Variants in AUTS2 observed in about 807,000 individuals in gnomAD.
The protein encoded by AUTS2 is activator of transcription and developmental regulator AUTS2.
Under a neutral mutation model 112.4 loss-of-function variants are expected in AUTS2, and 17 were observed. The observed-to-expected ratio is 0.15, with a 90% CI of 0.10 to 0.23. The LOEUF is 0.23. Among genes scored for constraint, AUTS2 ranks in the 10% least tolerant of loss-of-function variants. The pLI is 1.00. For synonymous variants in AUTS2, 751 were observed against 702.7 expected (o/e 1.07, Z -1.09); for missense variants, 1,510 against 1,701.6 (o/e 0.89, Z 1.98).
chr7:69,796,144 TCGCATC>T (rs1482564827), intron 1 of AUTS2, among the ~76,000 whole-genome samples: 3 of 152,202 alleles, frequency 2.0e-5, no homozygotes, highest in African/African-American at 7.2e-5. Context: ...CAGTTCCTTT[TCGCATC>T]TTCAGCAATC....
At chr7:69,717,739 A>G (rs1013092754) in intron 1 of AUTS2, among the ~76,000 whole-genome samples, 1 of 151,966 alleles carries the variant, frequency 6.6e-6, no homozygotes, top group African/African-American at 2.4e-5. Flanking sequence ...TTGAAGGGGG[A>G]AAACAAATGA....
At chr7:70,569,077 C>T (rs970858675) in intron 5 of AUTS2, among the ~76,000 whole-genome samples, 4 of 152,202 alleles carry the variant, frequency 2.6e-5, no homozygotes, top group East Asian at 1.9e-4. Context: ...CGATGCTCCG[C>T]TCTCCCCAAG....
In AUTS2 at chr7:70,526,697, T is replaced by G. The variant is rs140626841; in HGVS notation, c.690+90916T>G. 2.2e-3 allele frequency among the ~76,000 whole-genome samples: 332 copies of G among 152,214 alleles called. 1 individual carries two copies. The highest frequency in any genetic ancestry group is 7.7e-3 in the African/African-American group (320 of 41,538). On this transcript the variant is annotated intron_variant, in intron 5 of 18. Transcript: ENST00000342771. ...AAATAAAAAATCCTGCTTCTGTTCT[T>G]CTCTTCATGACTGCCCGTCCAACTC...
chr7:70,377,932 G>A (rs1362681249), intron 4 of AUTS2, among the ~76,000 whole-genome samples: 1 of 151,074 alleles, frequency 6.6e-6, no homozygotes, highest in African/African-American at 2.5e-5. Context: ...CACCACGGCT[G>A]GCTAATTTTT....
chr7:69,847,708 G>A (rs571824177), intron 1 of AUTS2, among the ~76,000 whole-genome samples: 12 of 152,324 alleles, frequency 7.9e-5, no homozygotes, highest in Non-Finnish European at 1.5e-4. Flanking sequence ...TACTTTGTGA[G>A]GTGGGCAAGA....
chr7:69,758,366 A>G (rs1453963865), intron 1 of AUTS2, among the ~76,000 whole-genome samples: 1 of 152,196 alleles, frequency 6.6e-6, no homozygotes, highest in Non-Finnish European at 1.5e-5. Flanking sequence ...ATTTTGGATC[A>G]GTCACTTTAT....
chr7:69,995,519 T>C (rs936498965), intron 2 of AUTS2, among the ~76,000 whole-genome samples: 1 of 152,164 alleles, frequency 6.6e-6, no homozygotes, highest in African/African-American at 2.4e-5. Flanking sequence ...TTTCTCATCT[T>C]CTTGTGTTTG....
At chr7:70,189,521 T>TAC (rs1272444962) in intron 4 of AUTS2, among the ~76,000 whole-genome samples, 47 of 152,344 alleles carry the variant, frequency 3.1e-4, no homozygotes, top group Middle Eastern at 3.4e-3. Context: ...GTGTGTTACG[T>TAC]AAAGCTTGGT....
chr7:70,515,371 GAGGATTTCCA>G (rs201696427), intron 5 of AUTS2, among the ~76,000 whole-genome samples: 2,352 of 152,244 alleles, frequency 0.015, 77 homozygotes, highest in African/African-American at 0.054. Flanking sequence ...TGACTCCTAG[GAGGATTTCCA>G]AGGATTTCCG....
At chr7:70,405,455 C>CCAT (rs1794490903) in intron 4 of AUTS2, among the ~76,000 whole-genome samples, 1 of 152,198 alleles carries the variant, frequency 6.6e-6, no homozygotes, top group Admixed American at 6.5e-5. Context: ...CTTTTACATT[C>CCAT]CATCAGAATG....
At chr7:70,660,977 T>C (rs566173079) in intron 5 of AUTS2, among the ~76,000 whole-genome samples, 1 of 152,312 alleles carries the variant, frequency 6.6e-6, no homozygotes, top group Non-Finnish European at 1.5e-5. Context: ...TCCCTTATCT[T>C]GGGCTAGCCC....
intron 4 of AUTS2, among the ~76,000 whole-genome samples, chr7:70,259,848 G>A (rs2129606926): frequency 6.6e-6 from 1 of 152,296 alleles, no homozygotes; most frequent in South Asian, 2.1e-4. Flanking sequence ...GGGTAGATAG[G>A]AGCCAAAAAG....
At chr7:69,925,504 C>G (rs1363221200) in intron 2 of AUTS2, among the ~76,000 whole-genome samples, 1 of 152,100 alleles carries the variant, frequency 6.6e-6, no homozygotes, top group African/African-American at 2.4e-5. Context: ...TGAAACACTC[C>G]AAATATTTTA....
chr7:70,233,957 T>C lies in AUTS2; in HGVS notation c.660+99386T>C, dbSNP rs116951906. ...ACAGAGTGAGATCATTGTCCAAAGG[T>C]TGATCATGTGGAGGATGTATGTGCT... On this transcript the variant is annotated intron_variant, in intron 4 of 18. Transcript: ENST00000342771. Among the ~76,000 whole-genome samples, 3 of 152,296 alleles carry C rather than the reference T, an allele frequency of 2.0e-5. No homozygotes were observed. In the East Asian group the frequency reaches 5.8e-4, roughly 29 times the overall value.
chr7:69,740,507 C>A (rs1297196321), intron 1 of AUTS2, among the ~76,000 whole-genome samples: 3 of 148,432 alleles, frequency 2.0e-5, no homozygotes, highest in Non-Finnish European at 3.0e-5. Context: ...CAAAAACATA[C>A]TTAAATCAGA....
chr7:69,702,071 T>G (rs1183807902), intron 1 of AUTS2, among the ~76,000 whole-genome samples: 1 of 152,180 alleles, frequency 6.6e-6, no homozygotes, highest in Non-Finnish European at 1.5e-5. Flanking sequence ...ATGAAAACAT[T>G]GATGTGCTTG....
chr7:69,740,040 G>C (rs1417113345), intron 1 of AUTS2, among the ~76,000 whole-genome samples: 1 of 152,186 alleles, frequency 6.6e-6, no homozygotes, highest in African/African-American at 2.4e-5. Context: ...GGCCAATGAC[G>C]TAGGAACACA....
chr7:69,616,106 A>G (rs993842163), intron 1 of AUTS2, among the ~76,000 whole-genome samples: 2 of 152,154 alleles, frequency 1.3e-5, no homozygotes, highest in African/African-American at 4.8e-5. Context: ...CTATCACAGT[A>G]TTGCAGCCAG....
In AUTS2 at chr7:70,757,115, C is replaced by T. The variant is rs115595096; in HGVS notation, c.743-5755C>T. On this transcript the variant is annotated intron_variant, in intron 6 of 18. Transcript: ENST00000342771. ...TATTACGTGACTGACTTAGTTCGCG[C>T]TTTTTTGCACTGAAAAACACTTTGA... 4.2e-3 allele frequency among the ~76,000 whole-genome samples: 636 copies of T among 152,310 alleles called. 7 individuals are homozygous for T. The highest frequency in any genetic ancestry group is 0.014 in the African/African-American group (567 of 41,564).
Sources: allele counts gnomAD v4.1 joint callset (sites outside exome capture counted in the v4.1 genomes callset), GRCh38; gene constraint gnomAD v4.1.1; transcripts MANE v1.5; gene names NCBI Gene and HGNC (gene_info 2026-07-23, HGNC 2026-07-21).